The following EYS variants were observed in gnomAD, a reference collection of about 807,000 sequenced individuals.
EYS encodes the protein EGF-like photoreceptor maintenance factor.
EYS carries 250 observed loss-of-function variants against 282.1 expected under a neutral mutation model. The ratio of observed to expected loss-of-function variants is 0.89; its 90% CI spans 0.80 to 0.98. The LOEUF (loss-of-function observed/expected upper bound fraction) is 0.98, where lower values mean the gene tolerates loss of function less well. EYS is among the 50% of genes least tolerant of loss of function. The pLI is 0.00. For synonymous variants in EYS, 1,355 were observed against 1,282.9 expected (o/e 1.06, Z -1.20); for missense variants, 4,016 against 3,709.0 (o/e 1.08, Z -2.15).
At position 64,930,615 on chromosome 6, in the gene EYS, T is replaced by C. The variant is rs921341851; in HGVS notation, c.2381+15178A>G. Among the ~76,000 whole-genome samples the C allele has an allele frequency of 2.0e-5, 3 of 152,266 alleles. No homozygotes were observed. The South Asian group carries it at 6.2e-4, about 32-fold the overall frequency. On this transcript the variant is annotated intron_variant, in intron 15 of 42. Transcript: ENST00000503581. ...TTTCAGTTATTATATCCATTAAAAATTTTTAAACATTTTTATAAGAGATGA... is the reference window on the plus strand; with the variant it reads ...TTTCAGTTATTATATCCATTAAAAACTTTTAAACATTTTTATAAGAGATGA...
chr6:65,135,340 C>T (rs1195702934), intron 12 of EYS, among the ~76,000 whole-genome samples: 1 of 151,716 alleles, frequency 6.6e-6, no homozygotes, highest in African/African-American at 2.4e-5. Flanking sequence ...AGTTGTGTTA[C>T]TTTTTATTGA....
At chr6:65,249,808 G>A (rs188545841) in intron 12 of EYS, among the ~76,000 whole-genome samples, 1 of 152,154 alleles carries the variant, frequency 6.6e-6, no homozygotes, top group East Asian at 1.9e-4. Context: ...ATTGCCCACA[G>A]GAGAAATAAT....
chr6:64,162,917 T>C (rs1775152647), intron 31 of EYS, among the ~76,000 whole-genome samples: 1 of 152,160 alleles, frequency 6.6e-6, no homozygotes, highest in Non-Finnish European at 1.5e-5. Flanking sequence ...TATGAATTCA[T>C]GTATTAATTC....
chr6:63,755,610 C>A (rs185793589), intron 41 of EYS, among the ~76,000 whole-genome samples: 2 of 152,142 alleles, frequency 1.3e-5, no homozygotes, highest in Admixed American at 6.5e-5. Context: ...CCTGGCTATA[C>A]GAGCTCTTTT....
At chr6:64,522,650 C>T (rs1777782127) in intron 26 of EYS, among the ~76,000 whole-genome samples, 1 of 151,648 alleles carries the variant, frequency 6.6e-6, no homozygotes, top group Non-Finnish European at 1.5e-5. Context: ...GTGTATGGCC[C>T]CCAGTAATAG....
At chr6:65,661,044 A>G (rs182086349) in intron 1 of EYS, among the ~76,000 whole-genome samples, 1 of 151,988 alleles carries the variant, frequency 6.6e-6, no homozygotes, top group Non-Finnish European at 1.5e-5. Context: ...TCTCAAAATA[A>G]CTCGGTCTAT....
chr6:64,617,197 CA>C (rs1474530639), intron 24 of EYS, among the ~76,000 whole-genome samples: 4 of 151,916 alleles, frequency 2.6e-5, no homozygotes, highest in African/African-American at 7.3e-5. Flanking sequence ...ATCAGTTTAT[CA>C]GAATGTTTTT....
intron 2 of EYS, among the ~76,000 whole-genome samples, chr6:65,559,985 A>AT (rs958407842): frequency 6.6e-6 from 1 of 150,566 alleles, no homozygotes; most frequent in Non-Finnish European, 1.5e-5. Flanking sequence ...CTTTGAAGAC[A>AT]TTTTTTTCAA....
At chr6:65,066,960 A>G (rs1044529623) in intron 12 of EYS, among the ~76,000 whole-genome samples, 1 of 152,158 alleles carries the variant, frequency 6.6e-6, no homozygotes, top group African/African-American at 2.4e-5. Flanking sequence ...GAAACGACAG[A>G]GGAGAGAAAG....
chr6:65,163,874 T>C (rs989864906), intron 12 of EYS, among the ~76,000 whole-genome samples: 1 of 151,236 alleles, frequency 6.6e-6, no homozygotes, highest in African/African-American at 2.4e-5. Flanking sequence ...AATGGCAAAT[T>C]TGAATAGTTG....
At chr6:64,477,580 AC>A (rs1776313344) in intron 26 of EYS, among the ~76,000 whole-genome samples, 1 of 151,990 alleles carries the variant, frequency 6.6e-6, no homozygotes. Context: ...ACCCACGGCC[AC>A]CCTTTTATTC....
chr6:64,357,891 G>A (rs1033832725), intron 29 of EYS, among the ~76,000 whole-genome samples: 1 of 151,604 alleles, frequency 6.6e-6, no homozygotes, highest in Non-Finnish European at 1.5e-5. Flanking sequence ...TGCCAAGACT[G>A]ATTAAGTAAA....
At chr6:64,271,214 C>G (rs989752528) in intron 30 of EYS, among the ~76,000 whole-genome samples, 2 of 152,014 alleles carry the variant, frequency 1.3e-5, no homozygotes, top group African/African-American at 4.8e-5. Context: ...CTTATCAACA[C>G]TTCTTATTGT....
intron 22 of EYS, among the ~76,000 whole-genome samples, chr6:64,634,315 G>T (rs1018634080): frequency 1.3e-5 from 2 of 152,164 alleles, no homozygotes; most frequent in Non-Finnish European, 2.9e-5. Flanking sequence ...AGAATTTTGA[G>T]GGTAGATTGT....
At chr6:65,162,576 T>C (rs1764875139) in intron 12 of EYS, among the ~76,000 whole-genome samples, 3 of 151,202 alleles carry the variant, frequency 2.0e-5, no homozygotes, top group South Asian at 4.2e-4. Context: ...TTCAATTAAC[T>C]AATTCTGATT....
chr6:64,466,540 C>A (rs1775924934), intron 26 of EYS, among the ~76,000 whole-genome samples: 1 of 152,040 alleles, frequency 6.6e-6, no homozygotes, highest in Non-Finnish European at 1.5e-5. Flanking sequence ...CATGTGGAAT[C>A]TAAACATGTT....
At chr6:64,689,642 G>A (rs1485604863) in intron 22 of EYS, among the ~76,000 whole-genome samples, 3 of 152,046 alleles carry the variant, frequency 2.0e-5, no homozygotes, top group Non-Finnish European at 4.4e-5. Context: ...TAGGGCAATG[G>A]AACAGAAGAG....
At chr6:64,385,136 T>TC (rs1772867411) in intron 29 of EYS, among the ~76,000 whole-genome samples, 1 of 152,200 alleles carries the variant, frequency 6.6e-6, no homozygotes, top group Non-Finnish European at 1.5e-5. Context: ...TGCATGATAC[T>TC]TAGATATTCA....
At position 65,616,269 on chromosome 6, in the gene EYS, T is replaced by C. The variant is rs569262979; in HGVS notation, c.-333+23509A>G. 1.4e-4 allele frequency among the ~76,000 whole-genome samples: 22 copies of C among 152,326 alleles called. No individual in the cohort carries two copies. The East Asian group carries it at 4.1e-3, about 28-fold the overall frequency. On this transcript the variant is annotated intron_variant, in intron 2 of 42. Coordinates refer to ENST00000503581, the MANE Select transcript of EYS (RefSeq NM_001142800.2). ...GCTCTGTGAGTTTCTTCACTAATTC[T>C]TGTGTTTAAGTTTTCTGAGTTTGTT... is the stretch of plus-strand genomic sequence containing the variant.
Sources: allele counts gnomAD v4.1 joint callset (sites outside exome capture counted in the v4.1 genomes callset), GRCh38; gene constraint gnomAD v4.1.1; transcripts MANE v1.5; gene names NCBI Gene and HGNC (gene_info 2026-07-23, HGNC 2026-07-21).